Variants in MICAL3 observed in about 807,000 individuals in gnomAD.
MICAL3 encodes [F-actin]-monooxygenase MICAL3.
In MICAL3, 62 loss-of-function variants were observed where a neutral mutation model predicts 207.4. The ratio of observed to expected loss-of-function variants is 0.30; its 90% CI spans 0.24 to 0.37. MICAL3 has a LOEUF of 0.37. Among genes scored for constraint, MICAL3 ranks in the 10% least tolerant of loss-of-function variants. The pLI, the probability that MICAL3 is intolerant of heterozygous loss-of-function variation, is 1.00. For synonymous variants in MICAL3, 1,077 were observed against 1,069.3 expected, an observed-to-expected ratio of 1.01 and a Z score of -0.14; for missense variants, 2,368 against 2,635.6, an observed-to-expected ratio of 0.90 and a Z score of 2.22.
intron 1 of MICAL3, among the ~76,000 whole-genome samples, chr22:17,993,119 G>A (rs568260704): frequency 2.0e-5 from 3 of 152,286 alleles, no homozygotes; most frequent in Non-Finnish European, 2.9e-5. Context: ...CATGTCACTA[G>A]TTAAAATATT....
At chr22:17,937,896 C>G (rs995609371) in intron 1 of MICAL3, among the ~76,000 whole-genome samples, 1 of 152,132 alleles carries the variant, frequency 6.6e-6, no homozygotes, top group African/African-American at 2.4e-5. Context: ...AAATTACTTG[C>G]AAGAGTGCAC....
chr22:17,827,028 C>T (rs1922275495), intron 22 of MICAL3, among the ~76,000 whole-genome samples: 1 of 152,220 alleles, frequency 6.6e-6, no homozygotes, highest in South Asian at 2.1e-4. Flanking sequence ...TGGAAGACAG[C>T]ATGCCAGGAA....
chr22:17,856,341 G>A (rs1313132506), intron 19 of MICAL3, among the ~76,000 whole-genome samples: 2 of 152,194 alleles, frequency 1.3e-5, no homozygotes, highest in African/African-American at 4.8e-5. Flanking sequence ...ATGGTCTTTT[G>A]AGCAGCATGA....
At chr22:17,914,864 G>A (rs185412329) in intron 1 of MICAL3, among the ~76,000 whole-genome samples, 185 of 152,290 alleles carry the variant, frequency 1.2e-3, no homozygotes, top group African/African-American at 4.2e-3. Flanking sequence ...CATCAGCAAC[G>A]CCTATGAGGA....
chr22:17,907,057 T>A (rs573561215), intron 1 of MICAL3, among the ~76,000 whole-genome samples, 171 bp from the exon 2 acceptor site: 2 of 152,224 alleles, frequency 1.3e-5, no homozygotes, highest in South Asian at 4.1e-4. Context: ...GCTGGAAAGG[T>A]GAGCAGGATG....
chr22:17,810,846 G>C (rs1210346623), intron 27 of MICAL3, 33 bp from the exon 28 acceptor site: 52 of 1,561,212 alleles, frequency 3.3e-5, no homozygotes, highest in Non-Finnish European at 4.3e-5. Flanking sequence ...CCTCAGTCAG[G>C]TGCACGGAGG....
intron 1 of MICAL3, among the ~76,000 whole-genome samples, chr22:18,017,886 T>C: frequency 6.7e-6 from 1 of 149,972 alleles, no homozygotes; most frequent in South Asian, 2.1e-4. Context: ...GAGTAGCTGG[T>C]ACTACAGGTG....
In MICAL3 at chr22:17,902,964, A is replaced by G. The variant is rs957995961; in HGVS notation, c.473-217T>C. The stretch of plus-strand genomic sequence containing the variant: ...GAAGAGCTGTTCTAGAGCAACACAC[A>G]GGACACTCCCACGTCTCGGGTTCAG... On this transcript the variant is annotated intron_variant, in intron 3 of 31. Coordinates refer to ENST00000441493, the MANE Select transcript of MICAL3 (RefSeq NM_015241.3). The surrounding 1 kb of genome is among the most constrained non-coding windows in gnomAD (Gnocchi z 4.5). Among the ~76,000 whole-genome samples the G allele has an allele frequency of 2.1e-4, 32 of 152,222 alleles. No homozygotes were observed. The highest frequency in any genetic ancestry group is 7.5e-4 in the African/African-American group (31 of 41,450).
Position 17,899,492 on chromosome 22 carries a change from T to C in MICAL3, c.904A>G (p.Thr302Ala). ...YKDDTHYFVMTAKKQSLLDKG... is the reference protein window; with the variant it reads ...YKDDTHYFVMAAKKQSLLDKG... ...TCCAGCAAACTCTGCTTTTTGGCTG[T>C]CATAACGAAATAGTGTGTGTCATCT... Residue 302 changes from threonine to alanine, a missense_variant, in exon 7 of 32, where the codon ACA becomes GCA. By Grantham distance (58) the Thr-to-Ala change is moderately conservative. Around this residue, in one of 4 missense-constraint regions of MICAL3, gnomAD observed 400 missense variants for 547.0 expected, o/e 0.73. Coordinates refer to ENST00000441493, the MANE Select transcript of MICAL3 (RefSeq NM_015241.3). The C allele has an allele frequency of 6.2e-7, 1 of 1,610,586 alleles. No individual in the cohort carries two copies. Among genetic ancestry groups the C allele is most frequent in the Non-Finnish European group, 8.5e-7 (1 of 1,178,200 alleles).
intron 17 of MICAL3, among the ~76,000 whole-genome samples, chr22:17,866,887 T>G (rs1201740035): frequency 6.6e-6 from 1 of 152,208 alleles, no homozygotes; most frequent in East Asian, 1.9e-4. Flanking sequence ...TTTTTTACTC[T>G]CACTTAAAGA....
chr22:17,947,834 G>A (rs991827767), intron 1 of MICAL3, among the ~76,000 whole-genome samples: 17 of 152,204 alleles, frequency 1.1e-4, no homozygotes, highest in Non-Finnish European at 1.9e-4. Flanking sequence ...AATGTGCTGG[G>A]ATTAAAGGTA....
rs548336432 is a variant in MICAL3, at chr22:17,903,606, C to T, written c.473-859G>A. ...ATCTTGGTTGTTCTCCCCAGTTTACCACAGCCACCACCCTTCTGAGTCCCA... is the reference window on the plus strand; with the variant it reads ...ATCTTGGTTGTTCTCCCCAGTTTACTACAGCCACCACCCTTCTGAGTCCCA... On this transcript the variant is annotated intron_variant, in intron 3 of 31. Transcript: ENST00000441493. Among the ~76,000 whole-genome samples the T allele has an allele frequency of 7.2e-5, 11 of 152,322 alleles. No homozygotes were observed. The South Asian group carries it at 2.3e-3, about 32-fold the overall frequency.
Position 17,831,860 on chromosome 22 carries a change from T to C in MICAL3, c.3049A>G (p.Ser1017Gly). ...GCAGAGATTTTGTTCTGACCTTCAC[T>C]GGACTCTTCCTCCTCCTCGTCATAG... Reference protein sequence around the residue: ...EDYDEEEEESSEAGNQRLQQV... With the variant: ...EDYDEEEEESGEAGNQRLQQV... The change falls in exon 21 of 32, where the codon AGT (serine) becomes GGT (glycine). Residue 1017 changes from serine (S) to glycine (G), a missense_variant. Ser to Gly is a moderately conservative substitution (Grantham distance 56, BLOSUM62 0). Transcript: ENST00000441493. 1 of 1,552,076 alleles carries C rather than the reference T, an allele frequency of 6.4e-7. No individual in the cohort carries two copies. Among genetic ancestry groups the C allele is most frequent in the Non-Finnish European group, 8.7e-7 (1 of 1,147,486 alleles).
chr22:17,948,856 T>C (rs1934195596), intron 1 of MICAL3, among the ~76,000 whole-genome samples: 2 of 142,016 alleles, frequency 1.4e-5, no homozygotes, highest in Non-Finnish European at 3.0e-5. Context: ...GCAGTTGTAG[T>C]GAGCCAAGAT....
At chr22:17,984,711 T>C (rs929310308) in intron 1 of MICAL3, among the ~76,000 whole-genome samples, 1 of 152,236 alleles carries the variant, frequency 6.6e-6, no homozygotes, top group Non-Finnish European at 1.5e-5. Flanking sequence ...GCTGTATTTA[T>C]TAAACGCTTA....
intron 16 of MICAL3, chr22:17,884,339 G>T: frequency 6.3e-7 from 1 of 1,593,364 alleles, no homozygotes; most frequent in Non-Finnish European, 8.5e-7. Context: ...CGGCTGGCTG[G>T]CCCCACGCTC....
At chr22:17,976,809 T>G (rs903485163) in intron 1 of MICAL3, among the ~76,000 whole-genome samples, 4 of 146,208 alleles carry the variant, frequency 2.7e-5, no homozygotes, top group African/African-American at 1.0e-4. Flanking sequence ...AGAGACTTCT[T>G]CTTTTTTTTT....
At chr22:17,954,913 G>A (rs1018428683) in intron 1 of MICAL3, among the ~76,000 whole-genome samples, 48 of 152,128 alleles carry the variant, frequency 3.2e-4, no homozygotes, top group African/African-American at 1.1e-3. Context: ...TAGTAGAGAC[G>A]CTGTTTCACC....
intron 29 of MICAL3, among the ~76,000 whole-genome samples, chr22:17,794,220 T>TTGGGCA (rs2061852900): frequency 6.6e-6 from 1 of 152,178 alleles, no homozygotes; most frequent in African/African-American, 2.4e-5. Flanking sequence ...TGGGTTGTCA[T>TTGGGCA]ACCGGGGCCT....
Sources: gnomAD v4.1 joint callset for allele counts (sites outside exome capture counted in the v4.1 genomes callset) on GRCh38, gnomAD v4.1.1 for gene constraint, gnomAD v4.1.1 regional missense constraint, Gnocchi (gnomAD v3.1) non-coding constraint, MANE v1.5 for transcripts, NCBI Gene and HGNC (gene_info 2026-07-23, HGNC 2026-07-21) for gene names.